The following KCNJ15 variants were observed in gnomAD, a reference collection of about 807,000 sequenced individuals.
The protein encoded by KCNJ15 is ATP-sensitive inward rectifier potassium channel 15.
Under a neutral mutation model 23.0 loss-of-function variants are expected in KCNJ15, and 14 were observed. The observed-to-expected ratio is 0.61, with a 90% CI of 0.40 to 0.95. KCNJ15 has a LOEUF of 0.95. KCNJ15 is among the 40% of genes least tolerant of loss of function. The probability of loss-of-function intolerance (pLI) is 0.00; values close to 1 mark genes in which losing one functional copy is unlikely to be tolerated. For missense variants in KCNJ15, 388 were observed against 461.8 expected (o/e 0.84, Z 1.46); for synonymous variants, 185 against 183.2 (o/e 1.01, Z -0.08).
chr21:38,265,130 C>A (rs1981330388), intron 1 of KCNJ15, among the ~76,000 whole-genome samples: 2 of 152,224 alleles, frequency 1.3e-5, no homozygotes, highest in Non-Finnish European at 2.9e-5. Context: ...ATGTCTAGAT[C>A]TGGCTTGTGT....
At chr21:38,256,360 T>TTATGTATATATATA (rs1555882104), upstream of KCNJ15, among the ~76,000 whole-genome samples, 1 of 106,236 alleles carries the variant, frequency 9.4e-6, no homozygotes, top group Non-Finnish European at 1.8e-5. Flanking sequence ...TCTATTCAGC[T>TTATGTATATATATA]TATATATATA....
rs1034340263 is a variant in KCNJ15 at position 38,307,084 on chromosome 21, T to C, written c.*6695T>C. 4 of 152,230 alleles carry C rather than the reference T, an allele frequency of 2.6e-5. No homozygotes were observed. The highest frequency in any genetic ancestry group is 5.9e-5 in the Non-Finnish European group (4 of 68,046). The allele number at this position is 152,230 out of a possible 1,614,324, so 9.4% of individuals were successfully genotyped here. On this transcript the variant is annotated 3_prime_UTR_variant, in exon 3 of 3. Coordinates refer to ENST00000398938, the MANE Select transcript of KCNJ15 (RefSeq NM_170736.3). The stretch of plus-strand genomic sequence containing the variant: ...TAAGCTTGGATTTGCTCCAGCAGAA[T>C]GGTGGTTTGTGTTTCTCAAGGCTGA...
chr21:38,288,030 GTTTTTTTTTTTTT>G (rs71184612), intron 1 of KCNJ15, among the ~76,000 whole-genome samples: 3 of 81,424 alleles, frequency 3.7e-5, no homozygotes, highest in East Asian at 7.6e-4. Flanking sequence ...TTTTTTCTTT[GTTTTTTTTTTTTT>G]TTTTTTTTTT....
At chr21:38,238,580 C>T in intron 1 of KCNJ15, 1 of 622,386 alleles carries the variant, frequency 1.6e-6, no homozygotes. Flanking sequence ...ACTAGGCACA[C>T]ACACTTGTCC....
In KCNJ15 at chr21:38,304,608, T is replaced by C; in HGVS notation, c.*4219T>C. 6.7e-6 allele frequency: 1 copy of C among 148,854 alleles called. No homozygotes were observed. The highest frequency in any genetic ancestry group is 1.5e-5 in the Non-Finnish European group (1 of 67,098). The allele number at this position is 148,854 out of a possible 1,614,324, so 9.2% of individuals were successfully genotyped here. A position where few individuals can be genotyped will look rare whatever the true frequency, so the allele number is the denominator to read the frequency against. On this transcript the variant is annotated 3_prime_UTR_variant, in exon 3 of 3. Coordinates refer to ENST00000398938, the MANE Select transcript of KCNJ15 (RefSeq NM_170736.3). Reference sequence around the variant, plus strand: ...CACTTAAAGGTCAAAAGCTTAACATTCACTTCTAAATGGTTAACTGCATAC... The same window carrying C: ...CACTTAAAGGTCAAAAGCTTAACATCCACTTCTAAATGGTTAACTGCATAC...
intron 1 of KCNJ15, among the ~76,000 whole-genome samples, chr21:38,251,719 G>T (rs905161721): frequency 1.3e-5 from 2 of 152,146 alleles, no homozygotes; most frequent in African/African-American, 4.8e-5. Context: ...GAGGAATAGC[G>T]TGACCCATCA....
chr21:38,235,657 A>G (rs1978553923), intron 1 of KCNJ15, among the ~76,000 whole-genome samples: 2 of 152,252 alleles, frequency 1.3e-5, no homozygotes, highest in Admixed American at 1.3e-4. Context: ...AGGGAGTGCC[A>G]CAGCAAGAGC....
intron 1 of KCNJ15, among the ~76,000 whole-genome samples, chr21:38,286,804 C>T (rs948115232): frequency 6.6e-6 from 1 of 152,194 alleles, no homozygotes; most frequent in Admixed American, 6.5e-5. Context: ...GAGAAAAGAA[C>T]AGCAGTTTAT....
intron 1 of KCNJ15, among the ~76,000 whole-genome samples, chr21:38,243,699 G>C (rs1979168226): frequency 6.6e-6 from 1 of 152,220 alleles, no homozygotes. Context: ...TGGGATTATA[G>C]GCGTGAGCCA....
intron 1 of KCNJ15, among the ~76,000 whole-genome samples, chr21:38,281,257 A>G (rs1983309038): frequency 6.6e-6 from 1 of 152,180 alleles, no homozygotes; most frequent in East Asian, 1.9e-4. Context: ...GTCTTGCTCT[A>G]ACAAATTACA....
intron 1 of KCNJ15, among the ~76,000 whole-genome samples, chr21:38,274,714 G>A (rs867722683): frequency 1.1e-4 from 16 of 151,980 alleles, no homozygotes; most frequent in Middle Eastern, 3.4e-3. Context: ...TCTGAATCAC[G>A]TCCTCCTTCT....
intron 1 of KCNJ15, among the ~76,000 whole-genome samples, chr21:38,266,738 C>G (rs1408408755): frequency 2.0e-5 from 3 of 152,160 alleles, no homozygotes; most frequent in Non-Finnish European, 4.4e-5. Flanking sequence ...CTAAGTATTT[C>G]TTAATCCTCA....
At chr21:38,277,027 T>TTG (rs3988469) in intron 1 of KCNJ15, among the ~76,000 whole-genome samples, 33,959 of 149,692 alleles carry the variant, frequency 0.23, 4,062 homozygotes, top group East Asian at 0.35. Context: ...GATTAAAAAA[T>TTG]TGTGTGTGTG....
chr21:38,300,607 A>T lies in KCNJ15; in HGVS notation c.*218A>T. 7.6e-6 allele frequency: 4 copies of T among 525,890 alleles called. No individual in the cohort carries two copies. Among genetic ancestry groups the T allele is most frequent in the Non-Finnish European group, 1.4e-5 (4 of 290,592 alleles). 32.6% of individuals were successfully genotyped at this position (525,890 alleles called of 1,614,324 possible). Reference sequence around the variant, plus strand: ...GTGCTTCGTCTGAAAGTGAACTCTCATAATTCAAATTGTATAAAATAAAGC... The same window carrying T: ...GTGCTTCGTCTGAAAGTGAACTCTCTTAATTCAAATTGTATAAAATAAAGC... On this transcript the variant is annotated 3_prime_UTR_variant, in exon 3 of 3. Coordinates refer to ENST00000398938, the MANE Select transcript of KCNJ15 (RefSeq NM_170736.3).
At position 38,302,252 on chromosome 21, in the gene KCNJ15, G is replaced by A. The variant is rs1985852377; in HGVS notation, c.*1863G>A. The A allele has an allele frequency of 6.6e-6, 1 of 152,222 alleles. No individual in the cohort carries two copies. Among genetic ancestry groups the A allele is most frequent in the Admixed American group, 6.5e-5 (1 of 15,290 alleles). The allele number at this position is 152,222 out of a possible 1,614,324, so 9.4% of individuals were successfully genotyped here. On this transcript the variant is annotated 3_prime_UTR_variant, in exon 3 of 3. Coordinates refer to ENST00000398938, the MANE Select transcript of KCNJ15 (RefSeq NM_170736.3). ...AAATGGGGAAAATAAAGTGGATTCA[G>A]GTTATCAGTGAAATGATGGTATAGA...
intron 1 of KCNJ15, among the ~76,000 whole-genome samples, chr21:38,251,635 G>C (rs1224971761): frequency 1.3e-5 from 2 of 152,220 alleles, no homozygotes. Flanking sequence ...TATCAGGCCT[G>C]TATTAATGCT....
chr21:38,235,189 C>CT (rs34031948), intron 1 of KCNJ15, among the ~76,000 whole-genome samples: 5 of 151,848 alleles, frequency 3.3e-5, no homozygotes, highest in African/African-American at 4.8e-5. Flanking sequence ...CTTTCCATTT[C>CT]TTTTTTTGTC....
Position 38,299,543 on chromosome 21 carries a change from C to T in KCNJ15, c.282C>T (p.Asp94=). 6.2e-7 allele frequency: 1 copy of T among 1,614,132 alleles called. No homozygotes were observed. Among genetic ancestry groups the T allele is most frequent in the Non-Finnish European group, 8.5e-7 (1 of 1,180,018 alleles). ...IYYAIAFIHG[D]LEPGEPISNH... is the part of the protein sequence containing the mutation. ...ATGCCATCGCGTTTATTCATGGGGA[C>T]TTAGAACCCGGTGAGCCCATTTCAA... Residue 94 remains aspartate (D), a synonymous_variant, in exon 3 of 3, where the codon GAC becomes GAT. Transcript: ENST00000398938. This position sits in a 1 kb window ranked among gnomAD's most constrained non-coding sequence, Gnocchi z 4.5.
At chr21:38,253,496 C>T (rs2123585998), upstream of KCNJ15, among the ~76,000 whole-genome samples, 1 of 152,298 alleles carries the variant, frequency 6.6e-6, no homozygotes, top group South Asian at 2.1e-4. Context: ...CTGTGGAGGG[C>T]TCTTTAAGCT....
Sources: allele counts gnomAD v4.1 joint callset (sites outside exome capture counted in the v4.1 genomes callset), GRCh38; gene constraint gnomAD v4.1.1; non-coding constraint Gnocchi (gnomAD v3.1); transcripts MANE v1.5; gene names NCBI Gene and HGNC (gene_info 2026-07-23, HGNC 2026-07-21).